The following MTUS1 variants were observed in gnomAD, a reference collection of about 807,000 sequenced individuals.
MTUS1 encodes microtubule-associated tumor suppressor 1.
Under a neutral mutation model 120.8 loss-of-function variants are expected in MTUS1, and 109 were observed. That is an observed-to-expected ratio of 0.90 (90% CI 0.77 to 1.06). MTUS1 has a LOEUF of 1.06. Among genes scored for constraint, MTUS1 ranks in the 50% least tolerant of loss-of-function variants. The pLI is 0.00. For missense variants in MTUS1, 2,210 were observed against 1,486.3 expected, an observed-to-expected ratio of 1.49 and a Z score of -8.01; for synonymous variants, 737 against 550.5, an observed-to-expected ratio of 1.34 and a Z score of -4.74.
chr8:17,647,953 T>C (rs1806183744), intron 13 of MTUS1, among the ~76,000 whole-genome samples: 1 of 152,202 alleles, frequency 6.6e-6, no homozygotes, highest in Admixed American at 6.5e-5. Flanking sequence ...TAAGACATCC[T>C]GTTATCCAGA....
intron 1 of MTUS1, among the ~76,000 whole-genome samples, chr8:17,782,039 C>T (rs1330796111): frequency 1.3e-5 from 2 of 152,210 alleles, no homozygotes; most frequent in Non-Finnish European, 2.9e-5. Flanking sequence ...CAAGGCTGGG[C>T]TCCCATTTCA....
chr8:17,778,761 A>G (rs2131506304), intron 1 of MTUS1, among the ~76,000 whole-genome samples: 2 of 152,272 alleles, frequency 1.3e-5, no homozygotes, highest in African/African-American at 2.4e-5. Flanking sequence ...GTGAGCTGAG[A>G]TAGCACCACT....
intron 1 of MTUS1, among the ~76,000 whole-genome samples, chr8:17,799,760 C>A (rs2052531783): frequency 6.6e-6 from 1 of 152,064 alleles, no homozygotes. Context: ...ATTATTTTCT[C>A]TTCATAAACC....
In MTUS1 at chr8:17,644,743, C is replaced by G. The variant is rs954348626; in HGVS notation, c.*1183G>C. The G allele has an allele frequency of 6.6e-6, 1 of 152,194 alleles. No individual in the cohort carries two copies. 9.4% of individuals were successfully genotyped at this position (152,194 alleles called of 1,614,324 possible). Reference sequence around the variant, plus strand: ...TATACTAGCCAATGACTTCCTTGTTCTCGTTCTTTATTCTAAGATTTCCCA... The same window carrying G: ...TATACTAGCCAATGACTTCCTTGTTGTCGTTCTTTATTCTAAGATTTCCCA... On this transcript the variant is annotated 3_prime_UTR_variant, in exon 15 of 15. Transcript: ENST00000693296.
At chr8:17,773,342 C>G (rs902863622) in intron 1 of MTUS1, among the ~76,000 whole-genome samples, 1 of 152,056 alleles carries the variant, frequency 6.6e-6, no homozygotes, top group African/African-American at 2.4e-5. Flanking sequence ...TAGAGGTGGC[C>G]TAGAGATGCT....
intron 2 of MTUS1, among the ~76,000 whole-genome samples, chr8:17,744,357 TCCA>T (rs1164394045): frequency 1.3e-5 from 2 of 152,206 alleles, no homozygotes; most frequent in East Asian, 3.9e-4. Context: ...AACCTTGGTC[TCCA>T]CAGCCCCTTA....
At chr8:17,777,600 G>C (rs2050556419) in intron 1 of MTUS1, among the ~76,000 whole-genome samples, 1 of 152,130 alleles carries the variant, frequency 6.6e-6, no homozygotes, top group African/African-American at 2.4e-5. Flanking sequence ...AACATACCAA[G>C]GGGAGCAGAA....
chr8:17,719,673 C>A (rs1823027902), intron 4 of MTUS1, among the ~76,000 whole-genome samples: 1 of 152,126 alleles, frequency 6.6e-6, no homozygotes, highest in East Asian at 1.9e-4. Context: ...CTGGAGGCAC[C>A]CTGAGAAACC....
In MTUS1 at chr8:17,713,181, C is replaced by T. The variant is rs745780472; in HGVS notation, c.2623+33G>A. The stretch of plus-strand genomic sequence containing the variant: ...AGTAACATAACTTTACAAAAAGATT[C>T]TTTTTATCGCCATCCATAAAGTGGT... On this transcript the variant is annotated intron_variant, in intron 6 of 14. Transcript: ENST00000693296. 2 of 1,540,420 alleles carry T rather than the reference C, an allele frequency of 1.3e-6. 1 individual carries two copies.
At chr8:17,737,694 C>A (rs918413964) in intron 3 of MTUS1, among the ~76,000 whole-genome samples, 4 of 152,084 alleles carry the variant, frequency 2.6e-5, no homozygotes, top group African/African-American at 9.7e-5. Flanking sequence ...ACTCTGTTGC[C>A]CAGGTGGGTC....
At chr8:17,700,296 C>T (rs1818787556) in intron 6 of MTUS1, among the ~76,000 whole-genome samples, 1 of 151,722 alleles carries the variant, frequency 6.6e-6, no homozygotes, top group African/African-American at 2.4e-5. Context: ...TGGTGAAACC[C>T]CGTCTCTACT....
chr8:17,645,864 G>T lies in MTUS1; in HGVS notation c.*62C>A. On this transcript the variant is annotated 3_prime_UTR_variant, in exon 15 of 15. Coordinates refer to ENST00000693296, the MANE Select transcript of MTUS1 (RefSeq NM_001363059.2). ...CCTCTTGTGCCCACGTTCCTCCTTG[G>T]GGTCAGTCCTGCAGACCTGCATCAA... 1.9e-6 allele frequency: 3 copies of T among 1,549,268 alleles called. No individual in the cohort carries two copies. Among genetic ancestry groups the T allele is most frequent in the South Asian group, 2.4e-5 (2 of 82,072 alleles).
intron 6 of MTUS1, among the ~76,000 whole-genome samples, chr8:17,703,117 G>A (rs567631874): frequency 6.6e-6 from 1 of 152,238 alleles, no homozygotes; most frequent in Admixed American, 6.5e-5. Context: ...TGATTTTAGG[G>A]AACAAGGGAA....
chr8:17,745,879 G>A (rs953833537), intron 2 of MTUS1, among the ~76,000 whole-genome samples: 1 of 152,148 alleles, frequency 6.6e-6, no homozygotes, highest in Non-Finnish European at 1.5e-5. Context: ...CCCCAGTGCT[G>A]GAGGAGGGAC....
chr8:17,668,573 T>G (rs1391151361), intron 8 of MTUS1, among the ~76,000 whole-genome samples: 1 of 152,216 alleles, frequency 6.6e-6, no homozygotes, highest in Admixed American at 6.5e-5. Context: ...ATAAAATGTA[T>G]CCAAGAGAGT....
chr8:17,669,223 T>C (rs1300291031), intron 8 of MTUS1, among the ~76,000 whole-genome samples: 2 of 152,180 alleles, frequency 1.3e-5, no homozygotes, highest in Admixed American at 1.3e-4. Context: ...TTGAAAGATT[T>C]GGGTGAAATT....
Position 17,755,136 on chromosome 8 carries a change from AT to A in MTUS1, c.671del (p.Asp224ValfsTer18). On this transcript the variant is annotated frameshift_variant, in exon 2 of 15. Coordinates refer to ENST00000693296, the MANE Select transcript of MTUS1 (RefSeq NM_001363059.2). LOFTEE classifies it high-confidence loss of function. ...CTTGAGGGTTTTCAAAGCTTTCTCT[AT>A]CATAAGTAGTTTCTCTTGCATGCGT... ...DKTHARETTY[D>X]RESFENPQVT... 1 of 1,614,102 alleles carries A rather than the reference AT, an allele frequency of 6.2e-7. No homozygotes were observed. The highest frequency in any genetic ancestry group is 8.5e-7 in the Non-Finnish European group (1 of 1,180,026).
chr8:17,679,244 T>C (rs1813763071), intron 7 of MTUS1, among the ~76,000 whole-genome samples: 1 of 151,638 alleles, frequency 6.6e-6, no homozygotes, highest in Admixed American at 6.6e-5. Context: ...TATATAAAAA[T>C]ACATAGACAT....
At chr8:17,713,465 T>C (rs955298852) in intron 5 of MTUS1, among the ~76,000 whole-genome samples, 1 of 152,152 alleles carries the variant, frequency 6.6e-6, no homozygotes, top group African/African-American at 2.4e-5. Flanking sequence ...TTAAGTATGA[T>C]ATGAAGTCAC....
Sources: allele counts gnomAD v4.1 joint callset (sites outside exome capture counted in the v4.1 genomes callset), GRCh38; gene constraint gnomAD v4.1.1; transcripts MANE v1.5; gene names NCBI Gene and HGNC (gene_info 2026-07-23, HGNC 2026-07-21).